DOCK9: variants seen among roughly 807,000 people sequenced by gnomAD.
DOCK9 encodes the protein dedicator of cytokinesis 9, also known as dedicator of cytokinesis protein 9.
A neutral mutation model predicts 263.3 loss-of-function variants in DOCK9; 89 were observed. The ratio of observed to expected loss-of-function variants is 0.34; its 90% CI spans 0.28 to 0.40. The LOEUF is 0.40. Among genes scored for constraint, DOCK9 ranks in the 10% least tolerant of loss-of-function variants. The probability of loss-of-function intolerance (pLI) is 1.00; values close to 1 mark genes in which losing one functional copy is unlikely to be tolerated. For missense variants in DOCK9, 2,140 were observed against 2,603.4 expected, an observed-to-expected ratio of 0.82 and a Z score of 3.87; for synonymous variants, 976 against 973.1, an observed-to-expected ratio of 1.00 and a Z score of -0.06.
At chr13:98,964,726 G>A (rs1196013702) in intron 1 of DOCK9, among the ~76,000 whole-genome samples, 1 of 152,168 alleles carries the variant, frequency 6.6e-6, no homozygotes, top group Admixed American at 6.5e-5. Flanking sequence ...TGGGGTCCCA[G>A]GCTCCACAGG....
chr13:98,839,679 G>A (rs188599574), intron 38 of DOCK9, among the ~76,000 whole-genome samples: 2 of 152,364 alleles, frequency 1.3e-5, no homozygotes, highest in East Asian at 3.9e-4. Context: ...GATTACCAAT[G>A]AGATGGCCTG....
chr13:99,008,558 A>G (rs1336493867), intron 1 of DOCK9, among the ~76,000 whole-genome samples: 1 of 152,132 alleles, frequency 6.6e-6, no homozygotes, highest in Non-Finnish European at 1.5e-5. Context: ...TGAAAGCAAG[A>G]TACAAGACTA....
intron 13 of DOCK9, among the ~76,000 whole-genome samples, chr13:98,901,564 C>A (rs2048282670): frequency 6.6e-6 from 1 of 152,226 alleles, no homozygotes; most frequent in Non-Finnish European, 1.5e-5. Flanking sequence ...GATGTCAGAA[C>A]TGTCTAGTCA....
At chr13:98,934,820 T>C (rs1312496146) in intron 2 of DOCK9, among the ~76,000 whole-genome samples, 1 of 152,180 alleles carries the variant, frequency 6.6e-6, no homozygotes, top group African/African-American at 2.4e-5. Context: ...TACTGATCAT[T>C]TAAGGACTCA....
At position 98,860,529 on chromosome 13, in the gene DOCK9, A is replaced by G; in HGVS notation, c.3580-7T>C. ...GGGATTCATCCTTCACAGTCTGTCA[A>G]GGAGAGGAAAGCAGAAACAATCAAA... is the stretch of plus-strand genomic sequence containing the variant. On this transcript the variant is annotated splice_polypyrimidine_tract_variant and splice_region_variant and intron_variant, in intron 32 of 52. Transcript: ENST00000682017. 6.4e-7 allele frequency: 1 copy of G among 1,553,256 alleles called. No individual in the cohort carries two copies. The highest frequency in any genetic ancestry group is 8.7e-7 in the Non-Finnish European group (1 of 1,147,392).
At chr13:98,850,788 T>C (rs371562820) in intron 35 of DOCK9, among the ~76,000 whole-genome samples, 1 of 152,246 alleles carries the variant, frequency 6.6e-6, no homozygotes, top group African/African-American at 2.4e-5. Flanking sequence ...CTGTACCCAA[T>C]GGTATGTGCA....
At chr13:98,963,576 G>C (rs538637979) in intron 1 of DOCK9, among the ~76,000 whole-genome samples, 2 of 152,320 alleles carry the variant, frequency 1.3e-5, no homozygotes, top group South Asian at 4.1e-4. Context: ...AAGAAGAGCT[G>C]AAATCCCAAA....
intron 1 of DOCK9, among the ~76,000 whole-genome samples, chr13:99,082,828 C>T (rs2042181241): frequency 6.6e-6 from 1 of 152,146 alleles, no homozygotes; most frequent in African/African-American, 2.4e-5. Flanking sequence ...TGAGCCCCAA[C>T]AAGGTTAAGT....
intron 7 of DOCK9, among the ~76,000 whole-genome samples, chr13:98,918,930 T>A (rs2051359051): frequency 6.6e-6 from 1 of 151,496 alleles, no homozygotes; most frequent in Admixed American, 6.6e-5. Context: ...CAAAGGAGGG[T>A]GCCAGGAGCT....
At chr13:98,808,874 T>C (rs566662776) in intron 47 of DOCK9, among the ~76,000 whole-genome samples, 2 of 152,330 alleles carry the variant, frequency 1.3e-5, no homozygotes, top group African/African-American at 4.8e-5. Context: ...CTTGTGGAGA[T>C]ATTATACTAC....
chr13:98,921,203 A>G, intron 6 of DOCK9, 115 bp from the exon 7 acceptor site: 1 of 1,058,458 alleles, frequency 9.4e-7, no homozygotes, highest in Non-Finnish European at 1.3e-6. Context: ...TTCTCACTCT[A>G]GCTGATGCTC....
chr13:98,855,984 C>G lies in DOCK9; in HGVS notation c.3745G>C (p.Ala1249Pro). The change falls in exon 34 of 53, where the codon GCT becomes CCT. Residue 1249 changes from alanine to proline, a missense_variant. Around this residue, in one of 2 missense-constraint regions of DOCK9, gnomAD observed 1,521 missense variants for 1,741.7 expected, o/e 0.87. Transcript: ENST00000682017. ...CTTATGAGAGATCCTCTCGAATCAG[C>G]ATTTCTCACACTGTTGATGTTTGGA... ...STPNINSVRN[A>P]DSRGSLISTD... is the part of the protein sequence containing the mutation. The G allele has an allele frequency of 1.2e-6, 2 of 1,614,004 alleles. No homozygotes were observed. Among genetic ancestry groups the G allele is most frequent in the South Asian group, 1.1e-5 (1 of 91,080 alleles).
At chr13:99,068,999 TATA>T (rs2041553963) in intron 1 of DOCK9, among the ~76,000 whole-genome samples, 1 of 152,260 alleles carries the variant, frequency 6.6e-6, no homozygotes, top group Admixed American at 6.5e-5. Flanking sequence ...CAACTCTTTC[TATA>T]ATAATACAGT....
At position 99,015,469 on chromosome 13, in the gene DOCK9, T is replaced by G. The variant is rs776934625; in HGVS notation, c.130-59918A>C. The G allele has an allele frequency of 3.1e-6, 5 of 1,596,578 alleles. No individual in the cohort carries two copies. In the African/African-American group the frequency reaches 6.7e-5, roughly 21 times the overall value. On this transcript the variant is annotated intron_variant, in intron 1 of 32. Coordinates refer to the DOCK9 transcript ENST00000427887. Reference sequence around the variant, plus strand: ...TACCAGCCAGGAGGAGATCAATAGTTCTGAATCTTCTTTTGTCCAATTGTA... The same window carrying G: ...TACCAGCCAGGAGGAGATCAATAGTGCTGAATCTTCTTTTGTCCAATTGTA...
Position 98,806,786 on chromosome 13 carries a change from G to A in DOCK9, c.5514+875C>T, listed in dbSNP as rs577624549. Among the ~76,000 whole-genome samples the A allele has an allele frequency of 5.3e-5, 8 of 152,022 alleles. No homozygotes were observed. The East Asian group carries it at 9.7e-4, about 18-fold the overall frequency. On this transcript the variant is annotated intron_variant, in intron 48 of 52. Transcript: ENST00000682017. ...TAGCCAGGCGTGGTGGCGCGTTCCT[G>A]TAATCCCAGCTACTCGGGAGGCTGA...
rs763039437 is a variant in DOCK9, at chr13:98,961,784, TC to T, written c.127-6234del. On this transcript the variant is annotated intron_variant, in intron 1 of 52. Transcript: ENST00000682017. ...AGCTTGCCAGTGGTTCCCATACAGC[TC>T]CATTGTTGCTGGGCACCTTGGCTTA... Among the ~76,000 whole-genome samples the T allele has an allele frequency of 2.0e-5, 3 of 152,288 alleles. 1 individual carries two copies. The highest frequency in any genetic ancestry group is 1.5e-5 in the Non-Finnish European group (1 of 68,028).
intron 1 of DOCK9, among the ~76,000 whole-genome samples, chr13:98,983,223 G>C (rs1169834404): frequency 2.0e-5 from 3 of 152,148 alleles, no homozygotes; most frequent in Non-Finnish European, 4.4e-5. Flanking sequence ...TTCTGGGGAA[G>C]TAGAAACAAT....
intron 34 of DOCK9, among the ~76,000 whole-genome samples, chr13:98,854,231 A>C (rs202064839): frequency 6.6e-6 from 1 of 151,822 alleles, no homozygotes; most frequent in Non-Finnish European, 1.5e-5. Flanking sequence ...GTGGAAAAAA[A>C]GCAGAACAAG....
At chr13:98,937,713 CT>C (rs34325473) in intron 2 of DOCK9, among the ~76,000 whole-genome samples, 23,509 of 146,188 alleles carry the variant, frequency 0.16, 1,968 homozygotes, top group South Asian at 0.26. Context: ...TTTTGTTTTG[CT>C]TTTTTTTTTT....
Sources: gnomAD v4.1 joint callset for allele counts (sites outside exome capture counted in the v4.1 genomes callset) on GRCh38, gnomAD v4.1.1 for gene constraint, gnomAD v4.1.1 regional missense constraint, MANE v1.5 for transcripts, NCBI Gene and HGNC (gene_info 2026-07-23, HGNC 2026-07-21) for gene names.